STX6: variants seen among roughly 807,000 people sequenced by gnomAD.
STX6 encodes syntaxin 6.
STX6 carries 23 observed loss-of-function variants against 38.0 expected under a neutral mutation model. The observed-to-expected ratio is 0.60, with a 90% confidence interval of 0.43 to 0.86. The LOEUF is 0.86. Among genes scored for constraint, STX6 ranks in the 40% least tolerant of loss-of-function variants. The pLI is 0.00. For synonymous variants in STX6, 123 were observed against 107.5 expected (o/e 1.14, Z -0.89); for missense variants, 274 against 312.9 (o/e 0.88, Z 0.94).
At chr1:181,016,181 C>T (rs781347014) in intron 1 of STX6, among the ~76,000 whole-genome samples, 2 of 152,170 alleles carry the variant, frequency 1.3e-5, no homozygotes, top group African/African-American at 4.8e-5. Flanking sequence ...CATGGTTTCT[C>T]ACTGAACAAA....
At chr1:181,002,313 C>A (rs917592350) in intron 3 of STX6, among the ~76,000 whole-genome samples, 3 of 151,808 alleles carry the variant, frequency 2.0e-5, no homozygotes, top group Non-Finnish European at 4.4e-5. Flanking sequence ...CCATGCCCAG[C>A]TAATTTTTAT....
intron 1 of STX6, among the ~76,000 whole-genome samples, chr1:181,021,192 A>G (rs904330605): frequency 3.3e-5 from 5 of 152,238 alleles, no homozygotes; most frequent in African/African-American, 7.2e-5. Context: ...ATTTCTGATC[A>G]TCTCTGATCT....
intron 1 of STX6, among the ~76,000 whole-genome samples, chr1:181,015,039 C>T (rs1278659737): frequency 6.6e-6 from 1 of 152,116 alleles, no homozygotes; most frequent in Non-Finnish European, 1.5e-5. Context: ...TTGCTTGAAA[C>T]TCTCACTTTC....
chr1:180,993,270 T>C (rs1655804320), intron 4 of STX6, 93 bp downstream of exon 4: 4 of 783,992 alleles, frequency 5.1e-6, no homozygotes, highest in South Asian at 4.5e-5. Context: ...TTCCTCTTGA[T>C]TACATGATCC....
At chr1:181,012,302 C>G (rs1486383914) in intron 1 of STX6, among the ~76,000 whole-genome samples, 3 of 152,212 alleles carry the variant, frequency 2.0e-5, no homozygotes, top group African/African-American at 7.2e-5. Flanking sequence ...GCTATCTCCA[C>G]ACATCAAGCA....
At position 180,992,355 on chromosome 1, in the gene STX6, CATA is replaced by C. The variant is rs554895822; in HGVS notation, c.363+1005_363+1007del. 7.0e-4 allele frequency among the ~76,000 whole-genome samples: 106 copies of C among 152,272 alleles called. 1 individual carries two copies. The South Asian group carries it at 0.021, about 30-fold the overall frequency. On this transcript the variant is annotated intron_variant, in intron 4 of 7. Coordinates refer to ENST00000258301, the MANE Select transcript of STX6 (RefSeq NM_005819.6). ...GAACCCTGCCCCTTCTTCAAGCTTC[CATA>C]ATATTTGTTTTCAAAATTAAGTGTC...
In STX6 at chr1:181,002,654, T is replaced by C. The variant is rs117197661; in HGVS notation, c.252A>G (p.Glu84=). ...NPRKFNLDAT[E]LSIRKAFITS... is the part of the protein sequence containing the mutation. Reference sequence around the variant, plus strand: ...TAATGAAGGCTTTTCTTATACTCAATTCAGTTGCATCAAGGTTAAATTTTC... The same window carrying C: ...TAATGAAGGCTTTTCTTATACTCAACTCAGTTGCATCAAGGTTAAATTTTC... The change falls in exon 3 of 8, where the codon GAA becomes GAG. Residue 84 remains glutamate, a synonymous_variant. Transcript: ENST00000258301. 2.8e-4 allele frequency: 450 copies of C among 1,613,766 alleles called. 4 individuals carry two copies. The East Asian group carries it at 8.5e-3, about 31-fold the overall frequency.
intron 1 of STX6, among the ~76,000 whole-genome samples, chr1:181,022,049 C>T (rs1656743047): frequency 6.6e-6 from 1 of 152,186 alleles, no homozygotes; most frequent in Admixed American, 6.5e-5. Context: ...AAAACTCCCC[C>T]ATTGAATTGT....
intron 7 of STX6, among the ~76,000 whole-genome samples, chr1:180,984,339 A>C (rs1425513011): frequency 6.6e-6 from 1 of 152,128 alleles, no homozygotes; most frequent in Non-Finnish European, 1.5e-5. Flanking sequence ...TGAGGTCAGG[A>C]GTTCGAGACT....
intron 3 of STX6, among the ~76,000 whole-genome samples, chr1:180,999,911 C>T (rs1656029605): frequency 6.6e-6 from 1 of 152,192 alleles, no homozygotes; most frequent in African/African-American, 2.4e-5. Context: ...CTCTTCCACC[C>T]AGAACCCAGA....
chr1:181,022,621 C>T lies in STX6; in HGVS notation c.35+18G>A, dbSNP rs1480537268. Reference sequence around the variant, plus strand: ...ACCGCCACCTCTTCCTCCGGTGGAGCGCTCGGCCGACACTCACCCTTTCAC... The same window carrying T: ...ACCGCCACCTCTTCCTCCGGTGGAGTGCTCGGCCGACACTCACCCTTTCAC... On this transcript the variant is annotated intron_variant, in intron 1 of 7. Transcript: ENST00000258301. 1 of 1,606,454 alleles carries T rather than the reference C, an allele frequency of 6.2e-7. No individual in the cohort carries two copies.
rs529213174 is a variant in STX6 at position 180,977,177 on chromosome 1, A to T, written c.692-531T>A. On this transcript the variant is annotated intron_variant, in intron 7 of 7. Transcript: ENST00000258301. ...ATTAATTTCACACCACACCTAGTCAAGTAAGATTACTTAACTAGTAACTGT... is the reference window on the plus strand; with the variant it reads ...ATTAATTTCACACCACACCTAGTCATGTAAGATTACTTAACTAGTAACTGT... 5.9e-5 allele frequency among the ~76,000 whole-genome samples: 9 copies of T among 152,346 alleles called. No homozygotes were observed. The South Asian group carries it at 1.9e-3, about 32-fold the overall frequency.
At chr1:181,016,465 A>C (rs1446025008) in intron 1 of STX6, among the ~76,000 whole-genome samples, 1 of 152,204 alleles carries the variant, frequency 6.6e-6, no homozygotes, top group African/African-American at 2.4e-5. Context: ...TTAAACACTC[A>C]AATTTATAAT....
At position 181,010,671 on chromosome 1, in the gene STX6, G is replaced by A. The variant is rs541546602; in HGVS notation, c.36-5208C>T. Among the ~76,000 whole-genome samples, 16 of 152,018 alleles carry A rather than the reference G, an allele frequency of 1.1e-4. No homozygotes were observed. The South Asian group carries it at 2.5e-3, about 24-fold the overall frequency. On this transcript the variant is annotated intron_variant, in intron 1 of 7. Transcript: ENST00000258301. ...TTTTTTACTGTTAGTACAAGCTGAT[G>A]AGGAATACCACAGAAAGCATGGCAC...
chr1:180,999,761 A>G (rs918988287), intron 3 of STX6, among the ~76,000 whole-genome samples: 1 of 152,222 alleles, frequency 6.6e-6, no homozygotes. Flanking sequence ...AAGTCAATCA[A>G]AATTTTGGAG....
intron 1 of STX6, among the ~76,000 whole-genome samples, chr1:181,008,199 T>C (rs1431327661): frequency 1.3e-5 from 2 of 152,228 alleles, no homozygotes; most frequent in Non-Finnish European, 2.9e-5. Context: ...ATAATTTTCT[T>C]GTTTTTCTTA....
chr1:180,991,021 T>C (rs74505894), intron 4 of STX6, among the ~76,000 whole-genome samples: 6,048 of 152,212 alleles, frequency 0.04, 390 homozygotes, highest in African/African-American at 0.14. Context: ...TTTTTCCTTG[T>C]AGAGTTGCCA....
chr1:181,001,678 CCAAT>C (rs1185592793), intron 3 of STX6, among the ~76,000 whole-genome samples: 1 of 152,166 alleles, frequency 6.6e-6, no homozygotes, highest in African/African-American at 2.4e-5. Context: ...GAAGTGATTA[CCAAT>C]CAATCAAAAA....
At chr1:181,021,095 G>A (rs1656711723) in intron 1 of STX6, among the ~76,000 whole-genome samples, 1 of 152,052 alleles carries the variant, frequency 6.6e-6, no homozygotes, top group Non-Finnish European at 1.5e-5. Context: ...AGCATTAGTA[G>A]ACTGTATAGG....
Sources: allele counts gnomAD v4.1 joint callset (sites outside exome capture counted in the v4.1 genomes callset), GRCh38; gene constraint gnomAD v4.1.1; transcripts MANE v1.5; gene names NCBI Gene and HGNC (gene_info 2026-07-23, HGNC 2026-07-21).